LMX1A: variants seen among roughly 807,000 people sequenced by gnomAD.
LMX1A encodes LIM homeobox transcription factor 1-alpha.
Under a neutral mutation model 49.1 loss-of-function variants are expected in LMX1A, and 15 were observed. The observed-to-expected ratio is 0.31, with a 90% confidence interval of 0.20 to 0.47. The LOEUF is 0.47. LMX1A is among the 20% of genes least tolerant of loss of function. The probability of loss-of-function intolerance (pLI) is 1.00; values close to 1 mark genes in which losing one functional copy is unlikely to be tolerated. For synonymous variants in LMX1A, 167 were observed against 185.7 expected (o/e 0.90, Z 0.82); for missense variants, 372 against 475.8 (o/e 0.78, Z 2.03).
chr1:165,304,498 G>T (rs533096853), intron 3 of LMX1A, among the ~76,000 whole-genome samples: 1 of 152,248 alleles, frequency 6.6e-6, no homozygotes, highest in Non-Finnish European at 1.5e-5. Context: ...AGTCAAAGAT[G>T]AAAATCAGTT....
chr1:165,351,297 A>G lies in LMX1A; in HGVS notation c.263+1779T>C, dbSNP rs1656419955. On this transcript the variant is annotated intron_variant, in intron 3 of 8. Transcript: ENST00000342310. ...CAGTAATCTATAAGCAGAAAGTTAA[A>G]GATTGGGTCTACACAATACCAAAAG... is the stretch of plus-strand genomic sequence containing the variant. Among the ~76,000 whole-genome samples, 2 of 152,244 alleles carry G rather than the reference A, an allele frequency of 1.3e-5. 1 individual carries two copies. The highest frequency in any genetic ancestry group is 2.9e-5 in the Non-Finnish European group (2 of 68,046).
In LMX1A at chr1:165,331,151, AGGCCAAC is replaced by A. The variant is rs1655732245; in HGVS notation, c.263+21918_263+21924del. 2.6e-5 allele frequency among the ~76,000 whole-genome samples: 4 copies of A among 152,374 alleles called. No individual in the cohort carries two copies. The South Asian group carries it at 8.3e-4, about 32-fold the overall frequency. On this transcript the variant is annotated intron_variant, in intron 3 of 8. Coordinates refer to ENST00000342310, the MANE Select transcript of LMX1A (RefSeq NM_177398.4). ...ACTCAAGAGGAAGGATGATCAACAG[AGGCCAAC>A]CCTCAAGTGACCCAGATGCTGGAAT...
At chr1:165,346,384 G>A (rs1222115855) in intron 3 of LMX1A, among the ~76,000 whole-genome samples, 2 of 152,332 alleles carry the variant, frequency 1.3e-5, no homozygotes, top group East Asian at 3.9e-4. Context: ...AGAGGACTAG[G>A]AAAAGCACAG....
chr1:165,240,159 G>T (rs1429729983), intron 4 of LMX1A, among the ~76,000 whole-genome samples: 1 of 152,144 alleles, frequency 6.6e-6, no homozygotes, highest in Non-Finnish European at 1.5e-5. Context: ...CTATAAATGT[G>T]TATACTAGCT....
intron 3 of LMX1A, among the ~76,000 whole-genome samples, chr1:165,298,422 T>C (rs150795671): frequency 6.6e-6 from 1 of 152,310 alleles, no homozygotes; most frequent in East Asian, 1.9e-4. Flanking sequence ...ATTGGCCACA[T>C]AGTTCTAAAT....
chr1:165,242,869 G>A lies in LMX1A; in HGVS notation c.496+6539C>T, dbSNP rs569200819. On this transcript the variant is annotated intron_variant, in intron 4 of 8. Transcript: ENST00000342310. ...GGCGTGAACCCGGCAGGTGGAGCTT[G>A]CAGTGAGCCGAGATTGCGCCACTGC... Among the ~76,000 whole-genome samples, 9 of 146,474 alleles carry A rather than the reference G, an allele frequency of 6.1e-5. No individual in the cohort carries two copies. In the East Asian group the frequency reaches 1.0e-3, roughly 17 times the overall value.
At chr1:165,242,221 G>A (rs1212003122) in intron 4 of LMX1A, among the ~76,000 whole-genome samples, 1 of 152,176 alleles carries the variant, frequency 6.6e-6, no homozygotes, top group Non-Finnish European at 1.5e-5. Context: ...GCCTCGCAGA[G>A]CAGTTCAGAC....
intron 4 of LMX1A, among the ~76,000 whole-genome samples, chr1:165,231,564 G>A (rs1269078237): frequency 1.3e-5 from 2 of 152,202 alleles, no homozygotes; most frequent in African/African-American, 4.8e-5. Context: ...AATTGCAGAT[G>A]TGAGCCAATG....
intron 4 of LMX1A, among the ~76,000 whole-genome samples, chr1:165,217,082 T>G (rs1651667361): frequency 6.6e-6 from 1 of 151,924 alleles, no homozygotes; most frequent in African/African-American, 2.4e-5. Flanking sequence ...AGTGGGGGGG[T>G]CTCAGTTAAG....
At chr1:165,224,656 C>T (rs1405699954) in intron 4 of LMX1A, among the ~76,000 whole-genome samples, 2 of 152,204 alleles carry the variant, frequency 1.3e-5, no homozygotes, top group Non-Finnish European at 1.5e-5. Flanking sequence ...TAATAATTAG[C>T]TGTTGAATAG....
chr1:165,287,500 T>C (rs1654332615), intron 3 of LMX1A, among the ~76,000 whole-genome samples: 1 of 152,146 alleles, frequency 6.6e-6, no homozygotes, highest in South Asian at 2.1e-4. Flanking sequence ...TGAATTCTTT[T>C]GTTCCTTTGT....
chr1:165,214,191 G>A (rs933516784), intron 4 of LMX1A, among the ~76,000 whole-genome samples: 8 of 152,184 alleles, frequency 5.3e-5, no homozygotes, highest in African/African-American at 1.9e-4. Context: ...TTTCCCCCAT[G>A]CTGATCTTGT....
intron 3 of LMX1A, among the ~76,000 whole-genome samples, chr1:165,300,919 AC>A (rs1017349131): frequency 2.0e-5 from 3 of 152,124 alleles, no homozygotes; most frequent in African/African-American, 7.2e-5. Flanking sequence ...AAGTAGAGAA[AC>A]CCTAGGTGGC....
At chr1:165,291,586 T>A (rs1275121843) in intron 3 of LMX1A, among the ~76,000 whole-genome samples, 1 of 152,054 alleles carries the variant, frequency 6.6e-6, no homozygotes, top group Non-Finnish European at 1.5e-5. Context: ...ACGGAATGAG[T>A]TGGGGCAAGT....
intron 4 of LMX1A, among the ~76,000 whole-genome samples, chr1:165,225,516 TA>T (rs1282963926): frequency 1.3e-5 from 2 of 152,254 alleles, no homozygotes; most frequent in Non-Finnish European, 2.9e-5. Flanking sequence ...TTTCTAACAT[TA>T]AAAACTCTTC....
chr1:165,297,378 C>T (rs1435164526), intron 3 of LMX1A, among the ~76,000 whole-genome samples: 9 of 152,210 alleles, frequency 5.9e-5, no homozygotes, highest in African/African-American at 1.9e-4. Context: ...TCTAAAGCTT[C>T]CCAAGGAAGG....
At chr1:165,303,605 C>T (rs1654843510) in intron 3 of LMX1A, among the ~76,000 whole-genome samples, 2 of 152,212 alleles carry the variant, frequency 1.3e-5, no homozygotes, top group South Asian at 2.1e-4. Flanking sequence ...CTTGTTCCTC[C>T]AGACATCGCC....
intron 3 of LMX1A, among the ~76,000 whole-genome samples, chr1:165,250,390 T>A (rs1050195733): frequency 6.6e-6 from 1 of 152,216 alleles, no homozygotes; most frequent in Admixed American, 6.5e-5. Context: ...ATTTAAATTA[T>A]TTAAATCAAC....
chr1:165,266,591 CTTTCTTT>C (rs1653625069), intron 3 of LMX1A, among the ~76,000 whole-genome samples: 1 of 94,854 alleles, frequency 1.1e-5, no homozygotes, highest in African/African-American at 3.8e-5. Flanking sequence ...TCTCTTCTTT[CTTTCTTT>C]TTTTTTTTTT....
Sources: allele counts gnomAD v4.1 joint callset (sites outside exome capture counted in the v4.1 genomes callset), GRCh38; gene constraint gnomAD v4.1.1; transcripts MANE v1.5; gene names NCBI Gene and HGNC (gene_info 2026-07-23, HGNC 2026-07-21).